Variants in LSAMP observed in about 807,000 individuals in gnomAD.
LSAMP encodes limbic system-associated membrane protein.
A neutral mutation model predicts 38.6 loss-of-function variants in LSAMP; 7 were observed. The observed-to-expected ratio is 0.18, with a 90% CI of 0.10 to 0.34. LSAMP has a LOEUF of 0.34. Among genes scored for constraint, LSAMP ranks in the 10% least tolerant of loss-of-function variants. LSAMP has a pLI of 1.00. For synonymous variants in LSAMP, 154 were observed against 166.8 expected (o/e 0.92, Z 0.59); for missense variants, 313 against 420.0 (o/e 0.75, Z 2.23).
At chr3:116,405,273 A>T (rs1407497290) in intron 1 of LSAMP, among the ~76,000 whole-genome samples, 1 of 152,146 alleles carries the variant, frequency 6.6e-6, no homozygotes, top group Non-Finnish European at 1.5e-5. Flanking sequence ...TTACACTATC[A>T]AAATTGCAGG....
rs141308391 is a variant in LSAMP at position 116,291,316 on chromosome 3, T to C, written c.155+153561A>G. On this transcript the variant is annotated intron_variant, in intron 1 of 6. Coordinates refer to ENST00000490035, the MANE Select transcript of LSAMP (RefSeq NM_002338.5). The stretch of plus-strand genomic sequence containing the variant: ...AGGACTCTGCCATATGGTTTGGCCA[T>C]ATGGGCAGACGATGTTGAATTTGAC... 3.0e-3 allele frequency among the ~76,000 whole-genome samples: 462 copies of C among 152,264 alleles called. 4 individuals carry two copies. Among genetic ancestry groups the C allele is most frequent in the African/African-American group, 0.011 (438 of 41,550 alleles).
intron 1 of LSAMP, among the ~76,000 whole-genome samples, chr3:116,250,448 C>A (rs558150394): frequency 1.6e-4 from 25 of 152,160 alleles, no homozygotes; most frequent in African/African-American, 6.0e-4. Context: ...TCCATCCCTA[C>A]AAAATATTCA....
chr3:116,221,275 A>G (rs532723013), intron 1 of LSAMP, among the ~76,000 whole-genome samples: 22 of 152,260 alleles, frequency 1.4e-4, no homozygotes, highest in Non-Finnish European at 3.1e-4. Context: ...CTAGAGAAAA[A>G]TGCAATTAAC....
chr3:116,355,593 C>T (rs2048212358), intron 1 of LSAMP, among the ~76,000 whole-genome samples: 1 of 152,098 alleles, frequency 6.6e-6, no homozygotes, highest in African/African-American at 2.4e-5. Context: ...AAATGGATCA[C>T]ATCAAGTGCA....
At chr3:115,974,113 G>T (rs1239794188) in intron 3 of LSAMP, among the ~76,000 whole-genome samples, 4 of 152,116 alleles carry the variant, frequency 2.6e-5, no homozygotes, top group Non-Finnish European at 5.9e-5. Flanking sequence ...GGAAGGCTGA[G>T]GCTGGCAGAT....
chr3:115,829,946 CAT>C (rs1042940364), intron 6 of LSAMP, among the ~76,000 whole-genome samples: 3 of 152,134 alleles, frequency 2.0e-5, no homozygotes, highest in African/African-American at 7.2e-5. Context: ...TTATAAGACA[CAT>C]GTGTATCTGA....
At chr3:115,942,300 A>T (rs1937949333) in intron 3 of LSAMP, among the ~76,000 whole-genome samples, 3 of 152,176 alleles carry the variant, frequency 2.0e-5, no homozygotes, top group Admixed American at 2.0e-4. Flanking sequence ...TTTCTCCTTT[A>T]TATAGAAACC....
chr3:116,394,213 C>T lies in LSAMP; in HGVS notation c.155+50664G>A, dbSNP rs536396756. On this transcript the variant is annotated intron_variant, in intron 1 of 6. Transcript: ENST00000490035. ...ATTCTGTGTCCATCATCAGCATCTCCATAGTCCCAACCCAAACTCAACCTT... is the reference window on the plus strand; with the variant it reads ...ATTCTGTGTCCATCATCAGCATCTCTATAGTCCCAACCCAAACTCAACCTT... Among the ~76,000 whole-genome samples the T allele has an allele frequency of 3.3e-5, 5 of 152,278 alleles. No individual in the cohort carries two copies. The East Asian group carries it at 9.6e-4, about 29-fold the overall frequency.
chr3:116,406,018 T>G (rs1305692610), intron 1 of LSAMP, among the ~76,000 whole-genome samples: 1 of 152,168 alleles, frequency 6.6e-6, no homozygotes, highest in African/African-American at 2.4e-5. Flanking sequence ...TTCACTTTGC[T>G]GCAAATTCAA....
At chr3:115,974,778 T>G (rs1012004052) in intron 3 of LSAMP, among the ~76,000 whole-genome samples, 124 of 151,952 alleles carry the variant, frequency 8.2e-4, no homozygotes, top group Middle Eastern at 3.4e-3. Flanking sequence ...CAGTGTGGAG[T>G]TTTTTGAAAG....
At chr3:116,406,118 A>C (rs2048894400) in intron 1 of LSAMP, among the ~76,000 whole-genome samples, 1 of 152,074 alleles carries the variant, frequency 6.6e-6, no homozygotes, top group South Asian at 2.1e-4. Flanking sequence ...TACATCTGCC[A>C]AAAAAATTAA....
chr3:116,342,248 T>C (rs558060915), intron 1 of LSAMP, among the ~76,000 whole-genome samples: 11 of 152,134 alleles, frequency 7.2e-5, no homozygotes, highest in African/African-American at 2.4e-4. Flanking sequence ...TTGTGTACTG[T>C]GGTTTCAGTG....
intron 1 of LSAMP, among the ~76,000 whole-genome samples, chr3:116,313,874 A>C (rs2107720401): frequency 6.6e-6 from 1 of 152,274 alleles, no homozygotes; most frequent in East Asian, 1.9e-4. Flanking sequence ...GAATTGCTTG[A>C]ACCTGGAAGG....
At chr3:115,957,621 A>G (rs1938493340) in intron 3 of LSAMP, among the ~76,000 whole-genome samples, 2 of 152,222 alleles carry the variant, frequency 1.3e-5, no homozygotes, top group Non-Finnish European at 2.9e-5. Flanking sequence ...CAAAGGAGCT[A>G]GGAAATTTGT....
chr3:115,815,394 C>T (rs1448296234), intron 6 of LSAMP, among the ~76,000 whole-genome samples: 1 of 152,124 alleles, frequency 6.6e-6, no homozygotes, highest in Non-Finnish European at 1.5e-5. Flanking sequence ...TCGATGTTTT[C>T]TTTGAGTAAT....
intron 2 of LSAMP, among the ~76,000 whole-genome samples, chr3:116,050,463 CA>C (rs1238983901): frequency 6.6e-6 from 1 of 151,434 alleles, no homozygotes; most frequent in Non-Finnish European, 1.5e-5. Flanking sequence ...GGAGTCTCAC[CA>C]AAAAAGCCCT....
chr3:116,004,215 C>G (rs1030888311), intron 3 of LSAMP, among the ~76,000 whole-genome samples: 1 of 151,962 alleles, frequency 6.6e-6, no homozygotes, highest in African/African-American at 2.4e-5. Context: ...GGTTTCTTTT[C>G]TAGTACGGGA....
chr3:116,290,129 C>T (rs1329239131), intron 1 of LSAMP, among the ~76,000 whole-genome samples: 2 of 152,072 alleles, frequency 1.3e-5, no homozygotes, highest in Non-Finnish European at 2.9e-5. Context: ...TAGAATGGCA[C>T]CTTTGAGTGG....
intron 1 of LSAMP, among the ~76,000 whole-genome samples, chr3:116,109,823 C>T (rs989091537): frequency 4.0e-5 from 6 of 148,384 alleles, no homozygotes; most frequent in East Asian, 2.0e-4. Flanking sequence ...CATAGAGACA[C>T]GGAGGGAAGG....
Sources: allele counts gnomAD v4.1 joint callset (sites outside exome capture counted in the v4.1 genomes callset), GRCh38; gene constraint gnomAD v4.1.1; transcripts MANE v1.5; gene names NCBI Gene and HGNC (gene_info 2026-07-23, HGNC 2026-07-21).